Variants in SGCZ observed in about 807,000 individuals in gnomAD.
The protein encoded by SGCZ is zeta-sarcoglycan.
A neutral mutation model predicts 41.3 loss-of-function variants in SGCZ; 40 were observed. The observed-to-expected ratio is 0.97, with a 90% CI of 0.75 to 1.26. The LOEUF (loss-of-function observed/expected upper bound fraction) is 1.26. SGCZ is among the 50% of genes most tolerant of loss of function. SGCZ has a pLI of 0.00. For missense variants in SGCZ, 552 were observed against 369.8 expected (o/e 1.49, Z -4.04); for synonymous variants, 206 against 137.5 (o/e 1.50, Z -3.49).
Position 14,717,502 on chromosome 8 carries a change from G to C in SGCZ, c.40-162576C>G, listed in dbSNP as rs1297353658. On this transcript the variant is annotated intron_variant, in intron 1 of 7. Coordinates refer to ENST00000382080, the MANE Select transcript of SGCZ (RefSeq NM_139167.4). ...AAGAAGAACAGTCTGGAAGGTACTG[G>C]TAAGAGTGACTCAAGGAGAGGAGAG... Among the ~76,000 whole-genome samples the C allele has an allele frequency of 2.0e-5, 3 of 152,058 alleles. No individual in the cohort carries two copies. In the South Asian group the frequency reaches 6.2e-4, roughly 31 times the overall value.
At chr8:14,688,541 T>C (rs1808693259) in intron 1 of SGCZ, among the ~76,000 whole-genome samples, 1 of 152,164 alleles carries the variant, frequency 6.6e-6, no homozygotes, top group South Asian at 2.1e-4. Context: ...TCTGTTCTGT[T>C]CCACTGATCT....
chr8:14,791,459 GAA>G (rs113511615), intron 1 of SGCZ, among the ~76,000 whole-genome samples: 2 of 144,628 alleles, frequency 1.4e-5, no homozygotes, highest in Admixed American at 1.4e-4. Context: ...GAAAATAAAA[GAA>G]AAAAAAAAAA....
chr8:14,563,054 C>T (rs7824260), intron 1 of SGCZ, among the ~76,000 whole-genome samples: 146,719 of 152,208 alleles, frequency 0.96, 70,958 homozygotes, highest in Non-Finnish European at 1. Flanking sequence ...GGACTCACAT[C>T]AGCTTATGAA....
chr8:14,535,745 C>T (rs1002769365), intron 2 of SGCZ, among the ~76,000 whole-genome samples: 9 of 151,850 alleles, frequency 5.9e-5, no homozygotes, highest in African/African-American at 1.9e-4. Context: ...ACTAAAATTT[C>T]TAAAGATGTT....
chr8:15,197,126 C>T (rs1800756089), intron 1 of SGCZ, among the ~76,000 whole-genome samples: 1 of 152,196 alleles, frequency 6.6e-6, no homozygotes, highest in South Asian at 2.1e-4. Context: ...ATGGACTTAA[C>T]CCCTTTGTGG....
intron 1 of SGCZ, among the ~76,000 whole-genome samples, chr8:14,593,941 G>T (rs1204915380): frequency 6.6e-6 from 1 of 151,998 alleles, no homozygotes; most frequent in Non-Finnish European, 1.5e-5. Flanking sequence ...TTGGGAGGCC[G>T]AGATTGGTGG....
chr8:14,385,957 A>G (rs147604261), intron 2 of SGCZ, among the ~76,000 whole-genome samples: 17 of 152,278 alleles, frequency 1.1e-4, no homozygotes, highest in African/African-American at 4.1e-4. Flanking sequence ...TCATCTCTAG[A>G]TTACTTATAA....
chr8:14,828,244 G>C (rs956807003), intron 1 of SGCZ, among the ~76,000 whole-genome samples: 7 of 152,104 alleles, frequency 4.6e-5, no homozygotes, highest in Non-Finnish European at 7.3e-5. Context: ...TTTAAGAAGG[G>C]ATGAGATGAT....
intron 1 of SGCZ, among the ~76,000 whole-genome samples, chr8:14,961,827 C>A (rs1434070727): frequency 6.6e-6 from 1 of 152,120 alleles, no homozygotes; most frequent in East Asian, 1.9e-4. Flanking sequence ...GATCACTCAA[C>A]AGACAACACA....
At chr8:14,209,564 G>A (rs978902995) in intron 4 of SGCZ, among the ~76,000 whole-genome samples, 22 of 151,828 alleles carry the variant, frequency 1.4e-4, no homozygotes, top group Admixed American at 2.0e-4. Context: ...GGAATATATG[G>A]GAATATTTAA....
intron 1 of SGCZ, among the ~76,000 whole-genome samples, chr8:15,235,665 T>C (rs1802096534): frequency 6.6e-6 from 1 of 152,196 alleles, no homozygotes; most frequent in Non-Finnish European, 1.5e-5. Context: ...CTTTTGCTGA[T>C]TTAAACAACA....
At chr8:15,005,854 A>T (rs1323258763) in intron 1 of SGCZ, among the ~76,000 whole-genome samples, 1 of 152,208 alleles carries the variant, frequency 6.6e-6, no homozygotes, top group South Asian at 2.1e-4. Context: ...GTTTCATTGT[A>T]ATATGACATT....
In SGCZ at chr8:15,138,378, G is replaced by A. The variant is rs111933532; in HGVS notation, c.39+99207C>T. Among the ~76,000 whole-genome samples, 444 of 152,240 alleles carry A rather than the reference G, an allele frequency of 2.9e-3. 3 individuals carry two copies. In the East Asian group the frequency reaches 0.04, roughly 14 times the overall value. On this transcript the variant is annotated intron_variant, in intron 1 of 7. Transcript: ENST00000382080. ...AGTTGAGACTTTAGGGGACTGTTGG[G>A]AGGGCATGATTGTGATTTGAATTGT...
intron 1 of SGCZ, among the ~76,000 whole-genome samples, chr8:14,880,296 A>G (rs929252907): frequency 7.2e-5 from 11 of 152,306 alleles, no homozygotes; most frequent in South Asian, 2.1e-4. Context: ...TAAAAAGTCA[A>G]GAAACAACAG....
At chr8:14,741,250 G>C (rs1308568863) in intron 1 of SGCZ, among the ~76,000 whole-genome samples, 9 of 151,874 alleles carry the variant, frequency 5.9e-5, no homozygotes, top group African/African-American at 2.2e-4. Flanking sequence ...CTGTATTTTG[G>C]AGCAATAACC....
At chr8:14,851,368 CA>C (rs369090223) in intron 1 of SGCZ, among the ~76,000 whole-genome samples, 90 of 61,916 alleles carry the variant, frequency 1.5e-3, no homozygotes, top group Middle Eastern at 0.014. Flanking sequence ...GACTCCATCT[CA>C]AAAAAAAAAA....
intron 5 of SGCZ, among the ~76,000 whole-genome samples, chr8:14,112,719 A>G (rs1802412381): frequency 6.6e-6 from 1 of 152,022 alleles, no homozygotes; most frequent in Non-Finnish European, 1.5e-5. Flanking sequence ...TTTATTTGTA[A>G]AATTAAAAAC....
rs537534327 is a variant in SGCZ at position 14,483,562 on chromosome 8, C to A, written c.234+71170G>T. Among the ~76,000 whole-genome samples, 5 of 152,110 alleles carry A rather than the reference C, an allele frequency of 3.3e-5. No individual in the cohort carries two copies. The East Asian group carries it at 7.7e-4, about 23-fold the overall frequency. On this transcript the variant is annotated intron_variant, in intron 2 of 7. Transcript: ENST00000382080. ...TTCCAGGCTAGGCAACAGAGTGACACCCTGTCTCAGAAACAAAACACACAA... is the reference window on the plus strand; with the variant it reads ...TTCCAGGCTAGGCAACAGAGTGACAACCTGTCTCAGAAACAAAACACACAA...
chr8:14,230,072 C>T (rs535354799), intron 4 of SGCZ, among the ~76,000 whole-genome samples: 1 of 152,208 alleles, frequency 6.6e-6, no homozygotes, highest in African/African-American at 2.4e-5. Context: ...TGCCTATGCT[C>T]TATGGCTAAG....
Sources: gnomAD v4.1 joint callset for allele counts (sites outside exome capture counted in the v4.1 genomes callset) on GRCh38, gnomAD v4.1.1 for gene constraint, MANE v1.5 for transcripts, NCBI Gene and HGNC (gene_info 2026-07-23, HGNC 2026-07-21) for gene names.